Variants in PLA1A observed in about 807,000 individuals in gnomAD.
PLA1A encodes phosphatidylserine-specific phospholipase A1alpha.
Under a neutral mutation model 49.4 loss-of-function variants are expected in PLA1A, and 47 were observed. The observed-to-expected ratio is 0.95, with a 90% confidence interval of 0.75 to 1.21. The LOEUF (loss-of-function observed/expected upper bound fraction) is 1.21, where lower values mean the gene tolerates loss of function less well. Among genes scored for constraint, PLA1A ranks in the 50% most tolerant of loss-of-function variants. The pLI, the probability that PLA1A is intolerant of heterozygous loss-of-function variation, is 0.00. For synonymous variants in PLA1A, 224 were observed against 207.9 expected, an observed-to-expected ratio of 1.08 and a Z score of -0.67; for missense variants, 561 against 563.9, an observed-to-expected ratio of 0.99 and a Z score of 0.05.
At chr3:119,614,323 G>A (rs1262330762) in intron 5 of PLA1A, among the ~76,000 whole-genome samples, 1 of 152,072 alleles carries the variant, frequency 6.6e-6, no homozygotes, top group Non-Finnish European at 1.5e-5. Flanking sequence ...GTGAATCCTG[G>A]TCGGGCGTGG....
intron 2 of PLA1A, among the ~76,000 whole-genome samples, chr3:119,607,571 T>G (rs1200788320): frequency 2.6e-5 from 4 of 152,164 alleles, no homozygotes; most frequent in African/African-American, 7.2e-5. Flanking sequence ...ATGGAGCAAG[T>G]AGAGTTGGGG....
In PLA1A at chr3:119,616,033, T is replaced by C. The variant is rs952095973; in HGVS notation, c.686T>C (p.Val229Ala). 5.0e-6 allele frequency: 8 copies of C among 1,612,622 alleles called. No individual in the cohort carries two copies. In the Admixed American group the frequency reaches 1.0e-4, roughly 20 times the overall value. Residue 229 changes from valine (V) to alanine (A), a missense_variant, in exon 6 of 11, where the codon GTT becomes GCT. Val to Ala is a moderately conservative substitution (Grantham distance 64). Transcript: ENST00000273371. ...DTDNLGIRIPVGHVDYFVNGG... is the reference protein window; with the variant it reads ...DTDNLGIRIPAGHVDYFVNGG... ...TCAGATTTGGGTATTCGGATTCCCG[T>C]TGGACATGTGGACTACTTCGTCAAC...
rs544050005 is a variant in PLA1A at position 119,625,236 on chromosome 3, C to A, written c.1121+4C>A. On this transcript the variant is annotated splice_donor_region_variant and intron_variant, in intron 9 of 10. Coordinates refer to ENST00000273371, the MANE Select transcript of PLA1A (RefSeq NM_015900.4). ...CCTCTTCATCTAAGATCACCATGTA[C>A]GTAAGTGTCCCACCTGGTTGACTCC... 11 of 1,571,500 alleles carry A rather than the reference C, an allele frequency of 7.0e-6. No individual in the cohort carries two copies. The South Asian group carries it at 1.1e-4, about 16-fold the overall frequency.
chr3:119,614,751 A>AC (rs998203093), intron 5 of PLA1A, among the ~76,000 whole-genome samples: 4 of 151,992 alleles, frequency 2.6e-5, no homozygotes, highest in Admixed American at 2.0e-4. Context: ...TTAAAAAAAA[A>AC]AACATTCTAT....
Position 119,615,891 on chromosome 3 carries a change from T to C in PLA1A, c.665-121T>C, listed in dbSNP as rs951353925. ...CTGTCTGAGGGCTCATCCTGTGAAG[T>C]CTCACAGCACTTAGAAGTGACGTGG... On this transcript the variant is annotated intron_variant, in intron 5 of 10. Coordinates refer to ENST00000273371, the MANE Select transcript of PLA1A (RefSeq NM_015900.4). The C allele has an allele frequency of 1.1e-5, 7 of 661,400 alleles. No homozygotes were observed. The African/African-American group carries it at 1.3e-4, about 12-fold the overall frequency. The allele number at this position is 661,400 out of a possible 1,614,324, so 41.0% of individuals were successfully genotyped here. A position where few individuals can be genotyped will look rare whatever the true frequency, so the allele number is the denominator to read the frequency against.
intron 1 of PLA1A, among the ~76,000 whole-genome samples, chr3:119,604,188 T>C (rs1380188382): frequency 6.6e-6 from 1 of 152,216 alleles, no homozygotes. Context: ...GAGAATACGA[T>C]GGAGGCTCCT....
intron 4 of PLA1A, among the ~76,000 whole-genome samples, chr3:119,612,742 C>T (rs1158123046): frequency 2.0e-5 from 3 of 152,190 alleles, no homozygotes; most frequent in Non-Finnish European, 4.4e-5. Flanking sequence ...CCTGCCTCGG[C>T]CTCCCAAAGT....
At chr3:119,623,098 G>A (rs1330995659) in intron 8 of PLA1A, among the ~76,000 whole-genome samples, 1 of 152,020 alleles carries the variant, frequency 6.6e-6, no homozygotes, top group Non-Finnish European at 1.5e-5. Flanking sequence ...CAAAGTGCTG[G>A]GATTACAGGC....
chr3:119,619,671 A>C lies in PLA1A; in HGVS notation c.1012+19A>C, dbSNP rs1251428646. 3.3e-6 allele frequency: 5 copies of C among 1,529,538 alleles called. No homozygotes were observed. The Admixed American group carries it at 8.3e-5, about 26-fold the overall frequency. 94.7% of individuals were successfully genotyped at this position (1,529,538 alleles called of 1,614,324 possible). ...TACTGCAGTGAGTAGGGGGAAATGC[A>C]TGAGCTCAGCTCTGCCAGGGCACCA... On this transcript the variant is annotated intron_variant, in intron 8 of 10. Coordinates refer to ENST00000273371, the MANE Select transcript of PLA1A (RefSeq NM_015900.4).
chr3:119,628,419 A>C (rs904308441), intron 9 of PLA1A, among the ~76,000 whole-genome samples: 2 of 152,246 alleles, frequency 1.3e-5, no homozygotes, highest in African/African-American at 4.8e-5. Flanking sequence ...TCCAAGAACG[A>C]GGAACAGTTT....
intron 7 of PLA1A, 63 bp from the exon 8 acceptor site, chr3:119,619,500 G>T (rs2082898545): frequency 1.9e-6 from 2 of 1,041,838 alleles, no homozygotes; most frequent in Admixed American, 3.4e-5. Context: ...CACGTGGCTG[G>T]GTGCTGTGGG....
At chr3:119,617,961 C>G (rs1220239366) in intron 6 of PLA1A, 58 bp from the exon 7 acceptor site, 1 of 1,346,936 alleles carries the variant, frequency 7.4e-7, no homozygotes, top group Non-Finnish European at 1.0e-6. Flanking sequence ...TTTCACTAAA[C>G]AGCATAGATT....
chr3:119,618,006 T>A lies in PLA1A; in HGVS notation c.755-13T>A. The A allele has an allele frequency of 6.3e-7, 1 of 1,583,638 alleles. No individual in the cohort carries two copies. Among genetic ancestry groups the A allele is most frequent in the South Asian group, 1.2e-5 (1 of 86,444 alleles). The stretch of plus-strand genomic sequence containing the variant: ...CTTGACTGAAACCTTGGTTGTGTTT[T>A]TTCTCTGTTCAGGTTATAGTTATCT... On this transcript the variant is annotated splice_polypyrimidine_tract_variant and intron_variant, in intron 6 of 10. Coordinates refer to ENST00000273371, the MANE Select transcript of PLA1A (RefSeq NM_015900.4).
At chr3:119,619,678 C>T in intron 8 of PLA1A, 26 bp downstream of exon 8, 1 of 1,470,752 alleles carries the variant, frequency 6.8e-7, no homozygotes, top group Non-Finnish European at 9.5e-7. Context: ...TGCATGAGCT[C>T]AGCTCTGCCA....
intron 4 of PLA1A, among the ~76,000 whole-genome samples, chr3:119,610,655 G>T (rs1239097116): frequency 6.6e-6 from 1 of 152,058 alleles, no homozygotes; most frequent in South Asian, 2.1e-4. Context: ...TTTTAATGGG[G>T]TTATTTGTTT....
chr3:119,600,648 CT>C (rs2082606552), intron 1 of PLA1A, among the ~76,000 whole-genome samples: 1 of 152,208 alleles, frequency 6.6e-6, no homozygotes, highest in Admixed American at 6.5e-5. Context: ...ATTGAGCGGG[CT>C]GCAGTCCTCA....
intron 8 of PLA1A, among the ~76,000 whole-genome samples, chr3:119,622,167 A>AGGAG (rs1560086944): frequency 2.6e-4 from 22 of 85,346 alleles, no homozygotes; most frequent in African/African-American, 8.8e-4. Context: ...AAGAAGAAGA[A>AGGAG]GAAGAAGAAG....
chr3:119,608,296 GAA>G lies in PLA1A; in HGVS notation c.276-470_276-469del, dbSNP rs1324074991. Reference sequence around the variant, plus strand: ...AGAAAGAAAGAAAGAAAGAAAGAAAGAAAAAGAAAATGTCCACAAAGAAAGAG... The same window carrying G: ...AGAAAGAAAGAAAGAAAGAAAGAAAGAAAGAAAATGTCCACAAAGAAAGAG... On this transcript the variant is annotated intron_variant, in intron 2 of 10. Coordinates refer to ENST00000273371, the MANE Select transcript of PLA1A (RefSeq NM_015900.4). Among the ~76,000 whole-genome samples the G allele has an allele frequency of 6.9e-5, 10 of 145,266 alleles. No homozygotes were observed. The East Asian group carries it at 1.8e-3, about 26-fold the overall frequency.
At chr3:119,600,150 G>A in intron 1 of PLA1A, 1 of 516,636 alleles carries the variant, frequency 1.9e-6, no homozygotes, top group Non-Finnish European at 3.5e-6. Context: ...AGGAGGTTCA[G>A]GAGGTATCCA....
Sources: gnomAD v4.1 joint callset for allele counts (sites outside exome capture counted in the v4.1 genomes callset) on GRCh38, gnomAD v4.1.1 for gene constraint, MANE v1.5 for transcripts, NCBI Gene and HGNC (gene_info 2026-07-23, HGNC 2026-07-21) for gene names.